Variants in TMLHE observed in about 807,000 individuals in gnomAD.
TMLHE encodes trimethyllysine dioxygenase, mitochondrial.
In TMLHE, 18 loss-of-function variants were observed where a neutral mutation model predicts 25.7. The observed-to-expected ratio is 0.70, with a 90% CI of 0.48 to 1.04. The LOEUF is 1.04. Among genes scored for constraint, TMLHE ranks in the 50% least tolerant of loss-of-function variants. The probability of loss-of-function intolerance (pLI) is 0.00; values close to 1 mark genes in which losing one functional copy is unlikely to be tolerated. For synonymous variants in TMLHE, 105 were observed against 97.0 expected (o/e 1.08, Z -0.49); for missense variants, 236 against 259.0 (o/e 0.91, Z 0.61).
In TMLHE at chrX:155,607,751, T is replaced by C. The variant is rs1018004865; in HGVS notation, c.-2+5041A>G. Among the ~76,000 whole-genome samples, 14 of 111,612 alleles carry C rather than the reference T, an allele frequency of 1.3e-4. No homozygotes were observed. In the East Asian group the frequency reaches 3.6e-3, roughly 29 times the overall value. ...TCAATGTACAAAAATCAGTAGCATT[T>C]CTATACATCAATAATGTCCAAGCTG... is the stretch of plus-strand genomic sequence containing the variant. On this transcript the variant is annotated intron_variant, in intron 1 of 7. Coordinates refer to ENST00000334398, the MANE Select transcript of TMLHE (RefSeq NM_018196.4).
At chrX:155,552,254 G>A (rs2067420741) in intron 1 of TMLHE, among the ~76,000 whole-genome samples, 1 of 109,753 alleles carries the variant, frequency 9.1e-6, no homozygotes, top group Non-Finnish European at 1.9e-5. Flanking sequence ...TTTATAAAAA[G>A]AGTTGTAAAG....
At chrX:155,512,416 G>A (rs1282109086) in intron 4 of TMLHE, among the ~76,000 whole-genome samples, 1 of 106,402 alleles carries the variant, frequency 9.4e-6, no homozygotes, top group Non-Finnish European at 1.9e-5. Context: ...AGAATATGCG[G>A]TGTTTGGTTT....
intron 6 of TMLHE, among the ~76,000 whole-genome samples, chrX:155,505,766 G>A (rs1557332590): frequency 9.0e-6 from 1 of 111,104 alleles, no homozygotes; most frequent in African/African-American, 3.3e-5. Context: ...ATTCCAAGAT[G>A]GCCAGGAATT....
intron 4 of TMLHE, among the ~76,000 whole-genome samples, chrX:155,512,776 G>A (rs782785602): frequency 2.5e-3 from 274 of 111,579 alleles, no homozygotes; most frequent in African/African-American, 8.7e-3. Flanking sequence ...TGGACATGGA[G>A]GAATAAAGAA....
chrX:155,579,822 CA>C (rs1320330807), intron 1 of TMLHE, among the ~76,000 whole-genome samples: 3 of 110,722 alleles, frequency 2.7e-5, no homozygotes, highest in African/African-American at 9.9e-5. Flanking sequence ...ATAAAAAAAT[CA>C]ACTTAAGATG....
intron 1 of TMLHE, among the ~76,000 whole-genome samples, chrX:155,569,058 A>C (rs1196011707): frequency 5.0e-5 from 3 of 59,661 alleles, no homozygotes; most frequent in African/African-American, 1.2e-4. Context: ...GGAAATTCAA[A>C]CCAAAGGCAA....
intron 1 of TMLHE, among the ~76,000 whole-genome samples, chrX:155,586,441 A>C (rs2067664930): frequency 9.0e-6 from 1 of 111,598 alleles, no homozygotes; most frequent in Non-Finnish European, 1.9e-5. Flanking sequence ...TCAAATAAGC[A>C]ACATAACAAC....
Position 155,533,377 on chromosome X carries a change from A to G in TMLHE, c.182-8745T>C, listed in dbSNP as rs369888882. ...CATACACATGCACACACACGTGCAC[A>G]CGCACACACACACACACACACATAT... is the stretch of plus-strand genomic sequence containing the variant. On this transcript the variant is annotated intron_variant, in intron 2 of 7. Transcript: ENST00000334398. Among the ~76,000 whole-genome samples the G allele has an allele frequency of 3.1e-3, 179 of 57,046 alleles. 3 individuals are homozygous for G. In the East Asian group the frequency reaches 0.077, roughly 25 times the overall value. The allele number at this position is 57,046 out of a possible 115,157, so 49.5% of individuals were successfully genotyped here. A position where few individuals can be genotyped will look rare whatever the true frequency, so the allele number is the denominator to read the frequency against.
At chrX:155,551,991 G>GAT (rs1184631373) in intron 1 of TMLHE, among the ~76,000 whole-genome samples, 2 of 109,348 alleles carry the variant, frequency 1.8e-5, no homozygotes, top group African/African-American at 6.8e-5. Flanking sequence ...TGCATTTATT[G>GAT]ATTTGACTGT....
intron 1 of TMLHE, among the ~76,000 whole-genome samples, chrX:155,598,952 T>C (rs2067740100): frequency 1.8e-5 from 2 of 110,894 alleles, no homozygotes; most frequent in South Asian, 7.7e-4. Flanking sequence ...TGCCTCCCGT[T>C]CCACCTCCTC....
chrX:155,548,378 C>A (rs1488618653), intron 1 of TMLHE, among the ~76,000 whole-genome samples: 3 of 112,121 alleles, frequency 2.7e-5, no homozygotes, highest in African/African-American at 9.7e-5. Context: ...AAGCAATTTG[C>A]AAACTGGCAG....
chrX:155,599,462 T>G (rs2067743722), intron 1 of TMLHE, among the ~76,000 whole-genome samples: 1 of 111,716 alleles, frequency 9.0e-6, no homozygotes, highest in South Asian at 3.7e-4. Flanking sequence ...TTGCTTAAAT[T>G]TTAGAAAGTA....
At chrX:155,580,717 G>A (rs1186106973) in intron 1 of TMLHE, among the ~76,000 whole-genome samples, 1 of 111,512 alleles carries the variant, frequency 9.0e-6, no homozygotes, top group African/African-American at 3.3e-5. Flanking sequence ...AAGAGGGCTT[G>A]TGCAGGGAAA....
intron 3 of TMLHE, among the ~76,000 whole-genome samples, chrX:155,522,327 G>GA (rs2067193015): frequency 9.0e-6 from 1 of 111,504 alleles, no homozygotes; most frequent in South Asian, 3.7e-4. Context: ...CCCCTTCCTT[G>GA]ATGTTAACTT....
intron 2 of TMLHE, among the ~76,000 whole-genome samples, chrX:155,541,336 G>A (rs781861442): frequency 9.9e-5 from 11 of 111,057 alleles, no homozygotes; most frequent in Admixed American, 4.8e-4. Context: ...GAGAATGATG[G>A]TCTCCAGTGT....
intron 1 of TMLHE, among the ~76,000 whole-genome samples, chrX:155,549,612 G>C (rs1467499019): frequency 9.1e-6 from 1 of 109,789 alleles, no homozygotes; most frequent in Non-Finnish European, 1.9e-5. Flanking sequence ...TACATTGTTG[G>C]ATTCAATATG....
At chrX:155,538,025 A>G (rs2067289503) in intron 2 of TMLHE, among the ~76,000 whole-genome samples, 1 of 111,287 alleles carries the variant, frequency 9.0e-6, no homozygotes, top group African/African-American at 3.3e-5. Context: ...ATACAATATC[A>G]TCATTAACTA....
At chrX:155,597,462 G>C (rs904809879) in intron 1 of TMLHE, among the ~76,000 whole-genome samples, 2 of 111,334 alleles carry the variant, frequency 1.8e-5, no homozygotes, top group Admixed American at 9.5e-5. Flanking sequence ...TCTAGAACTA[G>C]AAATGCCATT....
chrX:155,562,417 A>C (rs111824328), intron 1 of TMLHE, among the ~76,000 whole-genome samples: 12,629 of 60,215 alleles, frequency 0.21, 2,960 homozygotes, highest in African/African-American at 0.32. Flanking sequence ...TCTCCTAGGC[A>C]TCTGGGCCTG....
Sources: allele counts gnomAD v4.1 joint callset (sites outside exome capture counted in the v4.1 genomes callset), GRCh38; gene constraint gnomAD v4.1.1; transcripts MANE v1.5; gene names NCBI Gene and HGNC (gene_info 2026-07-23, HGNC 2026-07-21).